The following MAST4 variants were observed in gnomAD, a reference collection of about 807,000 sequenced individuals.
MAST4 encodes the protein microtubule-associated serine/threonine-protein kinase 4.
Under a neutral mutation model 162.7 loss-of-function variants are expected in MAST4, and 89 were observed. The observed-to-expected ratio is 0.55, with a 90% CI of 0.46 to 0.65. The LOEUF (loss-of-function observed/expected upper bound fraction) is 0.65. MAST4 is among the 30% of genes least tolerant of loss of function. The pLI, the probability that MAST4 is intolerant of heterozygous loss-of-function variation, is 0.00. For synonymous variants in MAST4, 1,479 were observed against 1,361.1 expected, an observed-to-expected ratio of 1.09 and a Z score of -1.91; for missense variants, 3,153 against 3,374.0, an observed-to-expected ratio of 0.93 and a Z score of 1.62.
intron 3 of MAST4, among the ~76,000 whole-genome samples, chr5:66,868,903 C>T (rs748629867): frequency 6.6e-6 from 1 of 152,096 alleles, no homozygotes; most frequent in Non-Finnish European, 1.5e-5. Flanking sequence ...TCAACATCTG[C>T]CCCCTGCCGA....
At chr5:66,768,865 A>T (rs780812364) in intron 2 of MAST4, among the ~76,000 whole-genome samples, 4 of 152,204 alleles carry the variant, frequency 2.6e-5, no homozygotes, top group Non-Finnish European at 5.9e-5. Context: ...AATTTTAAAA[A>T]TTATATCAGT....
chr5:67,015,418 A>G (rs1561534723), intron 4 of MAST4, among the ~76,000 whole-genome samples: 2 of 152,254 alleles, frequency 1.3e-5, no homozygotes, highest in East Asian at 1.9e-4. Context: ...TAATAGAGAA[A>G]CTAACATGTT....
chr5:66,662,799 A>G (rs1431412550), intron 1 of MAST4: 1 of 152,132 alleles, frequency 6.6e-6, no homozygotes, highest in African/African-American at 2.4e-5. Flanking sequence ...ATTTATTGAT[A>G]GTCCCTTAAA....
chr5:66,634,983 G>A (rs140494379), intron 1 of MAST4, among the ~76,000 whole-genome samples: 10 of 152,206 alleles, frequency 6.6e-5, no homozygotes, highest in African/African-American at 2.4e-4. Flanking sequence ...CTGCCTCTGG[G>A]ATGCAGGTCC....
intron 1 of MAST4, among the ~76,000 whole-genome samples, chr5:66,617,958 C>T (rs1743810132): frequency 1.3e-5 from 2 of 150,556 alleles, no homozygotes; most frequent in Non-Finnish European, 3.0e-5. Flanking sequence ...TTTTTGGTCC[C>T]TGCTTTGACT....
At chr5:66,652,129 T>C (rs1196296484) in intron 1 of MAST4, among the ~76,000 whole-genome samples, 2 of 152,148 alleles carry the variant, frequency 1.3e-5, no homozygotes, top group Non-Finnish European at 2.9e-5. Context: ...GTATACTGGG[T>C]AAAATTGTTT....
At chr5:67,041,004 G>A (rs1291741430) in intron 4 of MAST4, among the ~76,000 whole-genome samples, 4 of 152,192 alleles carry the variant, frequency 2.6e-5, no homozygotes, top group Non-Finnish European at 5.9e-5. Flanking sequence ...CTACCTTATA[G>A]GATTGTCATG....
intron 4 of MAST4, among the ~76,000 whole-genome samples, chr5:67,051,890 A>G (rs1014301131): frequency 1.2e-4 from 19 of 152,278 alleles, no homozygotes; most frequent in African/African-American, 4.6e-4. Context: ...GGATCATTTG[A>G]TGTTTAAAAG....
At position 67,060,720 on chromosome 5, in the gene MAST4, A is replaced by G. The variant is rs187678018; in HGVS notation, c.763+6228A>G. Among the ~76,000 whole-genome samples the G allele has an allele frequency of 2.7e-3, 407 of 152,084 alleles. 1 individual carries two copies. Among genetic ancestry groups the G allele is most frequent in the Non-Finnish European group, 3.4e-3 (232 of 67,982 alleles). ...TCTCGATCTCCTGACCTCGTGATCC[A>G]CCTGCCTCGGCCTCCCAAAGTAGGG... On this transcript the variant is annotated intron_variant, in intron 5 of 28. Transcript: ENST00000403625.
chr5:67,003,767 A>C (rs931536912), intron 4 of MAST4: 1 of 152,174 alleles, frequency 6.6e-6, no homozygotes. Context: ...GGTCTAACGT[A>C]CTTGAAGGGG....
intron 1 of MAST4, among the ~76,000 whole-genome samples, chr5:66,742,716 T>A (rs1039384714): frequency 1.3e-5 from 2 of 152,200 alleles, no homozygotes; most frequent in Non-Finnish European, 2.9e-5. Context: ...GGTGGGAACA[T>A]CTTGAGTAAC....
intron 3 of MAST4, among the ~76,000 whole-genome samples, chr5:66,875,574 A>G (rs1044440755): frequency 1.3e-5 from 2 of 152,224 alleles, no homozygotes; most frequent in Admixed American, 6.5e-5. Context: ...AAAAATTTTT[A>G]CCACATGGTC....
At chr5:66,771,432 C>T (rs1040690929) in intron 2 of MAST4, among the ~76,000 whole-genome samples, 39 of 152,212 alleles carry the variant, frequency 2.6e-4, no homozygotes, top group African/African-American at 8.9e-4. Flanking sequence ...GTGATCCTCC[C>T]GCCTCAGCCT....
At chr5:66,925,865 T>C (rs911328812) in intron 4 of MAST4, among the ~76,000 whole-genome samples, 21 of 152,282 alleles carry the variant, frequency 1.4e-4, no homozygotes, top group African/African-American at 5.1e-4. Flanking sequence ...TGCTCCAACT[T>C]TTAATAAGAA....
rs185423474 is a variant in MAST4, at chr5:66,919,615, C to G, written c.674+19633C>G. 1.2e-3 allele frequency among the ~76,000 whole-genome samples: 173 copies of G among 143,058 alleles called. 2 individuals carry two copies. Among genetic ancestry groups the G allele is most frequent in the South Asian group, 9.7e-3 (44 of 4,516 alleles). The allele number at this position is 143,058 out of a possible 152,430, so 93.9% of individuals were successfully genotyped here. ...GGCAGAGGTTGCAGTGAGCTGAGAT[C>G]GTCACTGCACTCCAGCCTGGGCAAC... On this transcript the variant is annotated intron_variant, in intron 4 of 28. Transcript: ENST00000403625.
intron 1 of MAST4, among the ~76,000 whole-genome samples, chr5:66,615,653 A>T (rs909295978): frequency 9.0e-5 from 4 of 44,406 alleles, no homozygotes; most frequent in Admixed American, 1.8e-4. Context: ...GTCTCCCTTA[A>T]AAAAAAAAAA....
intron 1 of MAST4, among the ~76,000 whole-genome samples, chr5:66,747,244 A>T (rs1438916877): frequency 6.6e-6 from 1 of 152,162 alleles, no homozygotes; most frequent in Admixed American, 6.5e-5. Context: ...AGAGAAAATC[A>T]ATTCTCTTAA....
At chr5:66,962,836 C>T (rs558851884) in intron 4 of MAST4, among the ~76,000 whole-genome samples, 28 of 152,222 alleles carry the variant, frequency 1.8e-4, no homozygotes, top group Admixed American at 9.8e-4. Flanking sequence ...TTTGATTTTG[C>T]CATGTAAAAA....
intron 3 of MAST4, among the ~76,000 whole-genome samples, chr5:66,865,474 GAC>G (rs1760444588): frequency 1.3e-5 from 2 of 152,254 alleles, no homozygotes; most frequent in African/African-American, 4.8e-5. Context: ...ATATTACAAA[GAC>G]ATGTTTTCAA....
Sources: allele counts gnomAD v4.1 joint callset (sites outside exome capture counted in the v4.1 genomes callset), GRCh38; gene constraint gnomAD v4.1.1; transcripts MANE v1.5; gene names NCBI Gene and HGNC (gene_info 2026-07-23, HGNC 2026-07-21).